The following STIM2 variants were observed in gnomAD, a reference collection of about 807,000 sequenced individuals.
The protein encoded by STIM2 is stromal interaction molecule 2.
STIM2 carries 31 observed loss-of-function variants against 85.8 expected under a neutral mutation model. The observed-to-expected ratio is 0.36, with a 90% CI of 0.27 to 0.49. The LOEUF is 0.49. Ranked by LOEUF, STIM2 falls within the 20% of genes least tolerant of loss-of-function variation. STIM2 has a pLI of 0.98. For synonymous variants in STIM2, 356 were observed against 331.1 expected, an observed-to-expected ratio of 1.08 and a Z score of -0.82; for missense variants, 841 against 927.6, an observed-to-expected ratio of 0.91 and a Z score of 1.21.
At chr4:26,943,707 G>A (rs1470513641) in intron 2 of STIM2, among the ~76,000 whole-genome samples, 2 of 151,922 alleles carry the variant, frequency 1.3e-5, no homozygotes, top group African/African-American at 4.8e-5. Context: ...AGTGGATGGG[G>A]CTAAGAAATA....
intron 3 of STIM2, among the ~76,000 whole-genome samples, chr4:26,982,784 T>A (rs1052656080): frequency 6.6e-6 from 1 of 152,214 alleles, no homozygotes; most frequent in Non-Finnish European, 1.5e-5. Context: ...TCTTTTTTTT[T>A]ATACTGAAAA....
intron 1 of STIM2, among the ~76,000 whole-genome samples, chr4:26,875,586 A>G (rs893049108): frequency 1.3e-5 from 2 of 152,178 alleles, no homozygotes; most frequent in African/African-American, 4.8e-5. Flanking sequence ...CAACGTGAGA[A>G]CACTCTGTAG....
intron 3 of STIM2, among the ~76,000 whole-genome samples, chr4:26,976,101 G>A (rs1297380358): frequency 6.6e-6 from 1 of 152,192 alleles, no homozygotes; most frequent in Non-Finnish European, 1.5e-5. Flanking sequence ...TAAGACCTTG[G>A]GGAAAGCGCA....
chr4:26,945,627 TTAA>T (rs1725803415), intron 2 of STIM2, among the ~76,000 whole-genome samples: 1 of 152,180 alleles, frequency 6.6e-6, no homozygotes, highest in Admixed American at 6.6e-5. Context: ...TTTTTGACTT[TTAA>T]TAATAGCCAT....
chr4:27,017,217 T>G (rs1267370743), intron 10 of STIM2, among the ~76,000 whole-genome samples: 1 of 152,246 alleles, frequency 6.6e-6, no homozygotes, highest in Non-Finnish European at 1.5e-5. Context: ...CAAGTTTTGC[T>G]CTGAACTCTG....
chr4:26,966,326 A>G (rs777882710), intron 3 of STIM2, among the ~76,000 whole-genome samples: 2 of 152,074 alleles, frequency 1.3e-5, no homozygotes, highest in Non-Finnish European at 2.9e-5. Context: ...GGAAGGAGTG[A>G]CTCAGGAAAT....
At chr4:26,988,634 T>C (rs1052386077) in intron 3 of STIM2, among the ~76,000 whole-genome samples, 1 of 152,234 alleles carries the variant, frequency 6.6e-6, no homozygotes, top group Non-Finnish European at 1.5e-5. Context: ...TTTACGAATC[T>C]TTTATACCTA....
chr4:26,861,694 GAT>G, intron 1 of STIM2: 2 of 161,124 alleles, frequency 1.2e-5, no homozygotes, highest in Non-Finnish European at 2.4e-5. Flanking sequence ...GGACTGGGCT[GAT>G]TTTTTTTTTT....
At chr4:27,012,984 A>G (rs1243360185) in intron 10 of STIM2, among the ~76,000 whole-genome samples, 4 of 151,930 alleles carry the variant, frequency 2.6e-5, no homozygotes, top group African/African-American at 9.7e-5. Flanking sequence ...GTGAAACTAT[A>G]TTTGTCACAA....
intron 3 of STIM2, among the ~76,000 whole-genome samples, chr4:26,994,605 A>C (rs1217786686): frequency 1.3e-5 from 2 of 152,128 alleles, no homozygotes; most frequent in African/African-American, 2.4e-5. Context: ...TTCTAAAAAA[A>C]GATTATTCCC....
At chr4:26,883,902 A>G (rs889783867) in intron 1 of STIM2, among the ~76,000 whole-genome samples, 3 of 152,220 alleles carry the variant, frequency 2.0e-5, no homozygotes, top group African/African-American at 7.2e-5. Flanking sequence ...TTATATAGCC[A>G]TGAAATTGAT....
intron 1 of STIM2, among the ~76,000 whole-genome samples, chr4:26,891,348 A>G (rs1329415874): frequency 6.6e-6 from 1 of 152,092 alleles, no homozygotes; most frequent in Non-Finnish European, 1.5e-5. Flanking sequence ...TAACCTAGAC[A>G]TTTTGCTTGA....
chr4:26,891,601 C>T (rs923421816), intron 1 of STIM2, among the ~76,000 whole-genome samples: 2 of 148,336 alleles, frequency 1.3e-5, no homozygotes, highest in African/African-American at 5.1e-5. Context: ...ACACACACCC[C>T]CTTTTGGTTA....
chr4:26,969,227 A>G (rs1189743273), intron 3 of STIM2, among the ~76,000 whole-genome samples: 1 of 152,196 alleles, frequency 6.6e-6, no homozygotes, highest in East Asian at 1.9e-4. Context: ...TTGAGTGACA[A>G]TCCTTGTTGA....
intron 7 of STIM2, 138 bp from the exon 8 acceptor site, chr4:27,007,395 C>G (rs1223313601): frequency 2.0e-6 from 1 of 491,488 alleles, no homozygotes; most frequent in Non-Finnish European, 3.3e-6. Context: ...TGTATTTAGA[C>G]TTTGCAGTTT....
intron 3 of STIM2, among the ~76,000 whole-genome samples, chr4:26,988,618 T>C (rs1727662486): frequency 6.6e-6 from 1 of 152,230 alleles, no homozygotes; most frequent in Non-Finnish European, 1.5e-5. Flanking sequence ...AAACTTGGTT[T>C]GACCATTTAC....
chr4:26,892,677 A>G (rs540459549), intron 1 of STIM2, among the ~76,000 whole-genome samples: 1 of 152,288 alleles, frequency 6.6e-6, no homozygotes, highest in African/African-American at 2.4e-5. Context: ...GGTCATGAAT[A>G]TAATGGGTTG....
chr4:26,875,098 A>G (rs971163521), intron 1 of STIM2, among the ~76,000 whole-genome samples: 2 of 152,224 alleles, frequency 1.3e-5, no homozygotes, highest in African/African-American at 2.4e-5. Flanking sequence ...CAGTTATACA[A>G]TTCACAATGA....
chr4:26,923,465 C>A (rs576424662), intron 2 of STIM2, among the ~76,000 whole-genome samples: 5,482 of 150,160 alleles, frequency 0.037, 119 homozygotes, highest in South Asian at 0.076. Flanking sequence ...ACTTTATAGA[C>A]AAGCAAATGC....
Sources: gnomAD v4.1 joint callset for allele counts (sites outside exome capture counted in the v4.1 genomes callset) on GRCh38, gnomAD v4.1.1 for gene constraint, MANE v1.5 for transcripts, NCBI Gene and HGNC (gene_info 2026-07-23, HGNC 2026-07-21) for gene names.